PNPLA7: variants seen among roughly 807,000 people sequenced by gnomAD.
PNPLA7 encodes the protein patatin-like phospholipase domain-containing protein 7.
A neutral mutation model predicts 161.7 loss-of-function variants in PNPLA7; 153 were observed. The ratio of observed to expected loss-of-function variants is 0.95; its 90% confidence interval spans 0.83 to 1.08. The LOEUF (loss-of-function observed/expected upper bound fraction) is 1.08. PNPLA7 is among the 50% of genes least tolerant of loss of function. The pLI is 0.00. For synonymous variants in PNPLA7, 809 were observed against 782.1 expected (o/e 1.03, Z -0.57); for missense variants, 1,739 against 1,856.6 (o/e 0.94, Z 1.16).
chr9:137,515,942 C>T (rs987682059), intron 11 of PNPLA7, among the ~76,000 whole-genome samples: 1 of 10,778 alleles, frequency 9.3e-5, no homozygotes, highest in African/African-American at 5.1e-4. Context: ...CAAATCCACC[C>T]TCCCCACCTC....
chr9:137,517,558 A>G (rs1834672155), intron 11 of PNPLA7, among the ~76,000 whole-genome samples: 1 of 86,482 alleles, frequency 1.2e-5, no homozygotes, highest in Non-Finnish European at 2.5e-5. Context: ...CACTCACTCC[A>G]CTCTGTCCAC....
chr9:137,497,467 T>G (rs750811171), intron 17 of PNPLA7, among the ~76,000 whole-genome samples, 157 bp from the exon 18 acceptor site: 42 of 152,386 alleles, frequency 2.8e-4, no homozygotes, highest in Non-Finnish European at 5.1e-4. Flanking sequence ...TATTTTAAAA[T>G]ATTTATGTTA....
rs1831188853 is a variant in PNPLA7, at chr9:137,461,427, C to T, written c.3841+109G>A. On this transcript the variant is annotated intron_variant, in intron 33 of 34. Transcript: ENST00000406427. Reference sequence around the variant, plus strand: ...CCAGCTGCTGGAGCCTGGGCGTGGACGTGGGCGGGAGGGGAGGCCGTGGGC... The same window carrying T: ...CCAGCTGCTGGAGCCTGGGCGTGGATGTGGGCGGGAGGGGAGGCCGTGGGC... 12 of 1,067,426 alleles carry T rather than the reference C, an allele frequency of 1.1e-5. No individual in the cohort carries two copies. In the South Asian group the frequency reaches 1.4e-4, roughly 13 times the overall value. 66.1% of individuals were successfully genotyped at this position (1,067,426 alleles called of 1,614,324 possible). A position where few individuals can be genotyped will look rare whatever the true frequency, so the allele number is the denominator to read the frequency against.
intron 12 of PNPLA7, among the ~76,000 whole-genome samples, chr9:137,510,681 TTA>T (rs1224533751): frequency 5.9e-5 from 9 of 152,202 alleles, no homozygotes; most frequent in Non-Finnish European, 1.3e-4. Flanking sequence ...GCCTTTTCTC[TTA>T]TCTCTTTGTC....
chr9:137,492,904 G>A, intron 20 of PNPLA7, 109 bp downstream of exon 20: 2 of 941,396 alleles, frequency 2.1e-6, no homozygotes, highest in Non-Finnish European at 3.2e-6. Flanking sequence ...AGGGCTCCAG[G>A]ACAGGGCGGG....
At chr9:137,475,493 G>C (rs1228688752) in intron 25 of PNPLA7, among the ~76,000 whole-genome samples, 1 of 152,148 alleles carries the variant, frequency 6.6e-6, no homozygotes. Context: ...TCCTGCCTCA[G>C]CCTCCTGAGT....
chr9:137,510,005 A>G (rs1834131775), intron 12 of PNPLA7, among the ~76,000 whole-genome samples: 1 of 152,318 alleles, frequency 6.6e-6, no homozygotes, highest in East Asian at 1.9e-4. Flanking sequence ...CTGAGGGGAC[A>G]AAGTGAAGAG....
At position 137,467,652 on chromosome 9, in the gene PNPLA7, CTTT is replaced by C. The variant is rs1831540569; in HGVS notation, c.2883-182_2883-180del. On this transcript the variant is annotated intron_variant, in intron 25 of 34. Coordinates refer to ENST00000406427, the MANE Select transcript of PNPLA7 (RefSeq NM_001098537.3). The surrounding 1 kb of genome is among the most constrained non-coding windows in gnomAD (Gnocchi z 5.1). Reference sequence around the variant, plus strand: ...CGGGCTCACGCCTGTCATCTCAGCACTTTGGGAGGCCAAGGCGGGCAGATCACT... The same window carrying C: ...CGGGCTCACGCCTGTCATCTCAGCACGGGAGGCCAAGGCGGGCAGATCACT... Among the ~76,000 whole-genome samples the C allele has an allele frequency of 1.3e-5, 2 of 152,260 alleles. No homozygotes were observed. The highest frequency in any genetic ancestry group is 4.8e-5 in the African/African-American group (2 of 41,474).
chr9:137,523,224 C>G lies in PNPLA7; in HGVS notation c.748-367G>C, dbSNP rs553076995. 1.3e-5 allele frequency among the ~76,000 whole-genome samples: 2 copies of G among 152,148 alleles called. No individual in the cohort carries two copies. The highest frequency in any genetic ancestry group is 2.9e-5 in the Non-Finnish European group (2 of 68,004). On this transcript the variant is annotated intron_variant, in intron 8 of 34. Coordinates refer to ENST00000406427, the MANE Select transcript of PNPLA7 (RefSeq NM_001098537.3). This position sits in a 1 kb window ranked among gnomAD's most constrained non-coding sequence, Gnocchi z 4.4. ...TCTACGTCCGACATCAGCGTCGGTA[C>G]CCCTCGCCAAAGGGCGTGCCAGACA...
intron 25 of PNPLA7, among the ~76,000 whole-genome samples, chr9:137,472,369 A>G (rs1439983397): frequency 6.6e-6 from 1 of 151,790 alleles, no homozygotes; most frequent in Non-Finnish European, 1.5e-5. Flanking sequence ...CCTAAACCTC[A>G]TTTTCTTTAT....
Position 137,467,522 on chromosome 9 carries a change from T to C in PNPLA7, c.2883-49A>G. The C allele has an allele frequency of 6.3e-7, 1 of 1,597,448 alleles. No homozygotes were observed. The highest frequency in any genetic ancestry group is 8.5e-7 in the Non-Finnish European group (1 of 1,171,874). On this transcript the variant is annotated intron_variant, in intron 25 of 34. Transcript: ENST00000406427. This position sits in a 1 kb window ranked among gnomAD's most constrained non-coding sequence, Gnocchi z 5.1. ...CAAGGAGTGAGTACCAGGCCCAGGCTGCGCCCTGCAGAGGCCTTGTGCTCA... is the reference window on the plus strand; with the variant it reads ...CAAGGAGTGAGTACCAGGCCCAGGCCGCGCCCTGCAGAGGCCTTGTGCTCA...
intron 14 of PNPLA7, among the ~76,000 whole-genome samples, chr9:137,502,549 C>T (rs944867020): frequency 2.8e-5 from 4 of 144,752 alleles, no homozygotes; most frequent in African/African-American, 7.7e-5. Flanking sequence ...CAGAGGACGG[C>T]CGCTGACGGA....
chr9:137,477,050 T>TGCC (rs890556130), intron 25 of PNPLA7, among the ~76,000 whole-genome samples: 3 of 152,214 alleles, frequency 2.0e-5, no homozygotes, highest in Non-Finnish European at 4.4e-5. Context: ...TGGGAGGGGC[T>TGCC]GCCGGAGAGG....
chr9:137,506,119 T>C (rs769648536), intron 12 of PNPLA7, 36 bp from the exon 13 acceptor site: 1 of 1,567,426 alleles, frequency 6.4e-7, no homozygotes. Flanking sequence ...CACGGTTCGC[T>C]AGGCCACTGA....
At chr9:137,503,972 G>C (rs1197247869) in intron 14 of PNPLA7, among the ~76,000 whole-genome samples, 9 of 138,508 alleles carry the variant, frequency 6.5e-5, no homozygotes, top group African/African-American at 2.4e-4. Context: ...GAAGGAAGAA[G>C]AAGAAGGAAG....
chr9:137,545,310 A>T lies in PNPLA7; in HGVS notation c.274-1495T>A, dbSNP rs537291838. Among the ~76,000 whole-genome samples the T allele has an allele frequency of 2.0e-5, 3 of 152,266 alleles. No individual in the cohort carries two copies. The South Asian group carries it at 6.2e-4, about 32-fold the overall frequency. The stretch of plus-strand genomic sequence containing the variant: ...ACACATGCCGGTAACCAGGGAACTC[A>T]GCCCCTCAAATCCCAGGGGATGGAC... On this transcript the variant is annotated intron_variant, in intron 4 of 34. Transcript: ENST00000406427.
intron 9 of PNPLA7, among the ~76,000 whole-genome samples, chr9:137,522,494 A>AT (rs1196118208): frequency 6.6e-6 from 1 of 152,200 alleles, no homozygotes; most frequent in African/African-American, 2.4e-5. Flanking sequence ...CCGGCCCCAG[A>AT]TTTTTAAAAT....
At chr9:137,501,450 G>C (rs997126489) in intron 15 of PNPLA7, among the ~76,000 whole-genome samples, 200 bp downstream of exon 15, 2 of 152,212 alleles carry the variant, frequency 1.3e-5, no homozygotes, top group African/African-American at 4.8e-5. Context: ...AGTGCAGCAG[G>C]GGCCAAAGGT....
intron 26 of PNPLA7, among the ~76,000 whole-genome samples, chr9:137,466,191 G>T (rs1052077440): frequency 1.2e-4 from 18 of 152,182 alleles, no homozygotes; most frequent in Admixed American, 1.2e-3. Flanking sequence ...CTGCCTGGCC[G>T]TTGGGTCAGA....
Sources: gnomAD v4.1 joint callset for allele counts (sites outside exome capture counted in the v4.1 genomes callset) on GRCh38, gnomAD v4.1.1 for gene constraint, Gnocchi (gnomAD v3.1) non-coding constraint, MANE v1.5 for transcripts, NCBI Gene and HGNC (gene_info 2026-07-23, HGNC 2026-07-21) for gene names.